Variants in EPHA6 observed in about 807,000 individuals in gnomAD.
EPHA6 encodes EPH receptor A6.
Under a neutral mutation model 112.0 loss-of-function variants are expected in EPHA6, and 50 were observed. The observed-to-expected ratio is 0.45, with a 90% CI of 0.36 to 0.56. The LOEUF (loss-of-function observed/expected upper bound fraction) is 0.56. Ranked by LOEUF, EPHA6 falls within the 20% of genes least tolerant of loss-of-function variation. The probability of loss-of-function intolerance (pLI) is 0.00; values close to 1 mark genes in which losing one functional copy is unlikely to be tolerated. For synonymous variants in EPHA6, 529 were observed against 490.7 expected (o/e 1.08, Z -1.03); for missense variants, 1,280 against 1,417.4 (o/e 0.90, Z 1.56).
chr3:97,409,395 T>A (rs139396259), intron 6 of EPHA6, among the ~76,000 whole-genome samples: 407 of 152,202 alleles, frequency 2.7e-3, no homozygotes, highest in African/African-American at 9.2e-3. Context: ...AACATATGTT[T>A]GAGGAAAATG....
intron 10 of EPHA6, among the ~76,000 whole-genome samples, chr3:97,496,722 C>T (rs975984595): frequency 2.0e-5 from 3 of 151,860 alleles, no homozygotes; most frequent in Non-Finnish European, 4.4e-5. Context: ...AACTCTATGA[C>T]GTATAGACTG....
chr3:97,396,804 A>G (rs925934112), intron 5 of EPHA6, among the ~76,000 whole-genome samples: 2 of 151,782 alleles, frequency 1.3e-5, no homozygotes, highest in Non-Finnish European at 3.0e-5. Flanking sequence ...AGTATTTAAT[A>G]AAAATATTGT....
At chr3:97,115,863 C>T (rs1161173502) in intron 3 of EPHA6, among the ~76,000 whole-genome samples, 4 of 151,620 alleles carry the variant, frequency 2.6e-5, no homozygotes, top group African/African-American at 9.7e-5. Flanking sequence ...GTTATTGAAC[C>T]ATATCATCAT....
chr3:97,216,586 T>C (rs181452804), intron 3 of EPHA6, among the ~76,000 whole-genome samples: 1 of 152,336 alleles, frequency 6.6e-6, no homozygotes, highest in East Asian at 1.9e-4. Flanking sequence ...CTTTTGGGCA[T>C]ATAGCAAGCA....
At chr3:96,936,802 T>A (rs12487552) in intron 2 of EPHA6, among the ~76,000 whole-genome samples, 6,567 of 152,084 alleles carry the variant, frequency 0.043, 376 homozygotes, top group East Asian at 0.29. Flanking sequence ...ATATTCCCCT[T>A]CCTGTGTCCA....
intron 3 of EPHA6, among the ~76,000 whole-genome samples, chr3:97,002,436 T>G (rs2043702518): frequency 6.6e-6 from 1 of 150,750 alleles, no homozygotes; most frequent in Non-Finnish European, 1.5e-5. Flanking sequence ...TTCTCTTTCA[T>G]CTATTGAGGT....
chr3:97,498,149 T>C (rs945780640), intron 10 of EPHA6, among the ~76,000 whole-genome samples: 1 of 152,094 alleles, frequency 6.6e-6, no homozygotes, highest in Non-Finnish European at 1.5e-5. Flanking sequence ...ACTATGCTCT[T>C]GATGTATTAA....
At chr3:97,439,772 G>C in intron 6 of EPHA6, 1 of 280,346 alleles carries the variant, frequency 3.6e-6, no homozygotes, top group South Asian at 1.4e-4. Flanking sequence ...TTGTTTCTGG[G>C]ACAGTTGGCC....
At chr3:97,404,339 A>G (rs2087192586) in intron 5 of EPHA6, among the ~76,000 whole-genome samples, 1 of 152,134 alleles carries the variant, frequency 6.6e-6, no homozygotes, top group African/African-American at 2.4e-5. Flanking sequence ...TTTTGTGCCA[A>G]TCTGTTACGT....
At chr3:96,818,429 G>A (rs1279765277) in intron 1 of EPHA6, among the ~76,000 whole-genome samples, 1 of 151,870 alleles carries the variant, frequency 6.6e-6, no homozygotes, top group African/African-American at 2.4e-5. Context: ...TATTTTATTA[G>A]CAATACTTTG....
chr3:97,103,282 A>G (rs544925887), intron 3 of EPHA6, among the ~76,000 whole-genome samples: 2 of 152,236 alleles, frequency 1.3e-5, no homozygotes, highest in African/African-American at 4.8e-5. Flanking sequence ...GAGGTTTTAC[A>G]TTAAAGTCTT....
intron 5 of EPHA6, among the ~76,000 whole-genome samples, chr3:97,248,304 G>T (rs1576765164): frequency 6.6e-6 from 1 of 152,072 alleles, no homozygotes; most frequent in East Asian, 1.9e-4. Flanking sequence ...TTATGTAAAT[G>T]GTCTTGAAAG....
At chr3:97,644,075 T>G (rs1000748795) in intron 14 of EPHA6, among the ~76,000 whole-genome samples, 2,367 of 151,422 alleles carry the variant, frequency 0.016, 55 homozygotes, top group African/African-American at 0.054. Context: ...GAACAGAGAT[T>G]ATAACAAACT....
At chr3:97,489,071 C>T (rs2091768988) in intron 10 of EPHA6, among the ~76,000 whole-genome samples, 1 of 152,110 alleles carries the variant, frequency 6.6e-6, no homozygotes, top group Non-Finnish European at 1.5e-5. Context: ...TTGGGTCACT[C>T]CATGTATAAA....
chr3:97,393,309 G>A (rs1324931170), intron 5 of EPHA6, among the ~76,000 whole-genome samples: 1 of 151,704 alleles, frequency 6.6e-6, no homozygotes, highest in East Asian at 1.9e-4. Flanking sequence ...TATAGAACCT[G>A]TTATATAAGC....
chr3:97,404,252 G>T (rs2087183942), intron 5 of EPHA6, among the ~76,000 whole-genome samples: 1 of 152,218 alleles, frequency 6.6e-6, no homozygotes, highest in South Asian at 2.1e-4. Flanking sequence ...GTATCATTTT[G>T]CATTACCACC....
chr3:97,374,545 T>C (rs997905525), intron 5 of EPHA6, among the ~76,000 whole-genome samples: 2 of 152,100 alleles, frequency 1.3e-5, no homozygotes, highest in East Asian at 1.9e-4. Flanking sequence ...TAAGGGTATA[T>C]TGCATAATGC....
intron 6 of EPHA6, among the ~76,000 whole-genome samples, chr3:97,430,306 G>C (rs1268710236): frequency 2.0e-5 from 3 of 152,020 alleles, no homozygotes; most frequent in Non-Finnish European, 2.9e-5. Context: ...GAAGAAAATA[G>C]ATTCAACAAA....
chr3:97,186,185 A>G (rs192300626), intron 3 of EPHA6, among the ~76,000 whole-genome samples: 116 of 149,238 alleles, frequency 7.8e-4, no homozygotes, highest in African/African-American at 2.8e-3. Flanking sequence ...CACGTTGTGC[A>G]CATGTACCCT....
Sources: gnomAD v4.1 joint callset for allele counts (sites outside exome capture counted in the v4.1 genomes callset) on GRCh38, gnomAD v4.1.1 for gene constraint, MANE v1.5 for transcripts, NCBI Gene and HGNC (gene_info 2026-07-23, HGNC 2026-07-21) for gene names.